LRRFIP1: variants seen among roughly 807,000 people sequenced by gnomAD.
LRRFIP1 encodes the protein LRR binding FLII interacting protein 1, also known as leucine-rich repeat flightless-interacting protein 1.
LRRFIP1 carries 62 observed loss-of-function variants against 104.4 expected under a neutral mutation model. That is an observed-to-expected ratio of 0.59 (90% confidence interval 0.48 to 0.73). LRRFIP1 has a LOEUF of 0.73. LRRFIP1 is among the 30% of genes least tolerant of loss of function. The pLI is 0.00. For missense variants in LRRFIP1, 796 were observed against 824.5 expected (o/e 0.97, Z 0.42); for synonymous variants, 300 against 299.0 (o/e 1.00, Z -0.03).
intron 8 of LRRFIP1, among the ~76,000 whole-genome samples, chr2:237,729,156 A>G (rs2094896872): frequency 6.6e-6 from 1 of 152,176 alleles, no homozygotes; most frequent in Non-Finnish European, 1.5e-5. Context: ...CGAACTCCTG[A>G]CCTCAGGTGA....
chr2:237,664,039 T>G (rs2088654074), intron 1 of LRRFIP1, among the ~76,000 whole-genome samples: 1 of 150,906 alleles, frequency 6.6e-6, no homozygotes, highest in African/African-American at 2.4e-5. Flanking sequence ...AGGAGCAGGG[T>G]GAAGGGTGGG....
At chr2:237,753,548 T>A in intron 15 of LRRFIP1, 69 bp downstream of exon 15, 1 of 1,374,038 alleles carries the variant, frequency 7.3e-7, no homozygotes. Context: ...GTAATTCTGG[T>A]ACTTTGGGAG....
rs533886466 is a variant in LRRFIP1, at chr2:237,739,091, A to G, written c.556-141A>G. 190 of 648,338 alleles carry G rather than the reference A, an allele frequency of 2.9e-4. 1 individual carries two copies. The highest frequency in any genetic ancestry group is 2.5e-3 in the Middle Eastern group (6 of 2,436). The allele number at this position is 648,338 out of a possible 1,614,324, so 40.2% of individuals were successfully genotyped here. On this transcript the variant is annotated intron_variant, in intron 10 of 23. Transcript: ENST00000308482. ...GAATATGCGTTTGCTGTCTAACCCT[A>G]ACTCTCTTTTCCTTGCCGTGCGTGG...
At chr2:237,778,573 T>A (rs72987110) in intron 23 of LRRFIP1, among the ~76,000 whole-genome samples, 31,885 of 152,094 alleles carry the variant, frequency 0.21, 3,681 homozygotes, top group East Asian at 0.41. Context: ...CAGGCTCAGC[T>A]CTTGTTGTTT....
At chr2:237,733,236 G>T (rs75248140) in intron 8 of LRRFIP1, among the ~76,000 whole-genome samples, 4,447 of 152,306 alleles carry the variant, frequency 0.029, 73 homozygotes, top group Middle Eastern at 0.088. Flanking sequence ...CTTTGACAGG[G>T]CTAGACCGCG....
Position 237,627,613 on chromosome 2 carries a change from G to A in LRRFIP1, c.-32G>A. The A allele has an allele frequency of 2.4e-6, 3 of 1,233,598 alleles. No homozygotes were observed. The highest frequency in any genetic ancestry group is 2.2e-5 in the South Asian group (1 of 45,638). 76.4% of individuals were successfully genotyped at this position (1,233,598 alleles called of 1,614,324 possible). A position where few individuals can be genotyped will look rare whatever the true frequency, so the allele number is the denominator to read the frequency against. Reference sequence around the variant, plus strand: ...GGGCGGCGCGAGCGGCTGGAGCAACGGGCCCCGCGGCAGCTGCGGGCGACG... The same window carrying A: ...GGGCGGCGCGAGCGGCTGGAGCAACAGGCCCCGCGGCAGCTGCGGGCGACG... On this transcript the variant is annotated 5_prime_UTR_variant, in exon 1 of 24. Transcript: ENST00000308482.
chr2:237,667,404 G>A (rs1215692029), intron 1 of LRRFIP1, among the ~76,000 whole-genome samples: 1 of 152,194 alleles, frequency 6.6e-6, no homozygotes, highest in Admixed American at 6.5e-5. Context: ...TTTTATGGTT[G>A]CATAGTATTC....
chr2:237,722,499 C>A (rs1389241036), intron 6 of LRRFIP1, among the ~76,000 whole-genome samples: 1 of 152,140 alleles, frequency 6.6e-6, no homozygotes, highest in Non-Finnish European at 1.5e-5. Context: ...AAATAAGTTG[C>A]ATCTTTCTGC....
chr2:237,687,603 CAAAAAAAAAAA>C (rs58549867), intron 1 of LRRFIP1, among the ~76,000 whole-genome samples: 5 of 81,114 alleles, frequency 6.2e-5, no homozygotes, highest in African/African-American at 1.4e-4. Flanking sequence ...GACTCCATCT[CAAAAAAAAAAA>C]AAAAAAAAAA....
intron 1 of LRRFIP1, among the ~76,000 whole-genome samples, chr2:237,679,855 G>A (rs879735350): frequency 7.9e-5 from 12 of 152,142 alleles, no homozygotes; most frequent in African/African-American, 2.4e-4. Flanking sequence ...TGATCCACCC[G>A]CCTCGGCCTC....
In LRRFIP1 at chr2:237,751,373, A is replaced by G. The variant is rs974520207; in HGVS notation, c.867+102A>G. On this transcript the variant is annotated intron_variant, in intron 14 of 23. Transcript: ENST00000308482. ...AAATTCAAAGTGCATGCTTACTGTA[A>G]ATAGGCTCCAGGGTGTAGAAGAACT... 36 of 896,458 alleles carry G rather than the reference A, an allele frequency of 4.0e-5. No homozygotes were observed. The African/African-American group carries it at 4.9e-4, about 12-fold the overall frequency. 55.5% of individuals were successfully genotyped at this position (896,458 alleles called of 1,614,324 possible).
intron 19 of LRRFIP1, chr2:237,764,700 C>T (rs970847006): frequency 1.0e-6 from 1 of 987,028 alleles, no homozygotes; most frequent in Admixed American, 6.1e-5. Context: ...CACCTTAGAA[C>T]AATAATCATT....
rs2093622476 is a variant in LRRFIP1 at position 237,703,064 on chromosome 2, G to A, written c.97-5480G>A. Among the ~76,000 whole-genome samples, 1 of 152,144 alleles carries A rather than the reference G, an allele frequency of 6.6e-6. No homozygotes were observed. The highest frequency in any genetic ancestry group is 1.5e-5 in the Non-Finnish European group (1 of 68,012). On this transcript the variant is annotated intron_variant, in intron 1 of 23. Transcript: ENST00000308482. The surrounding 1 kb of genome is among the most constrained non-coding windows in gnomAD (Gnocchi z 4.3). ...TTTCCCTGTTGGCTCCTGTAGGGTG[G>A]GGACAGACCAGCCCCCATGAACCCT...
In LRRFIP1 at chr2:237,717,705, A is replaced by G; in HGVS notation, c.202-57A>G. The G allele has an allele frequency of 1.5e-6, 2 of 1,319,474 alleles. No homozygotes were observed. Among genetic ancestry groups the G allele is most frequent in the South Asian group, 1.2e-5 (1 of 85,058 alleles). 81.7% of individuals were successfully genotyped at this position (1,319,474 alleles called of 1,614,324 possible). ...GCATGTCAGAACAGTGCCTTAGACA[A>G]CTGCCTTTTTAAGAAATTTCACTTC... On this transcript the variant is annotated intron_variant, in intron 3 of 23. Coordinates refer to ENST00000308482, the MANE Select transcript of LRRFIP1 (RefSeq NM_001137550.2). The surrounding 1 kb of genome is among the most constrained non-coding windows in gnomAD (Gnocchi z 4.2).
At chr2:237,742,387 A>T (rs997653942) in intron 11 of LRRFIP1, among the ~76,000 whole-genome samples, 2 of 152,190 alleles carry the variant, frequency 1.3e-5, no homozygotes, top group Non-Finnish European at 1.5e-5. Context: ...TGGGTGCCTT[A>T]CATCTGATGA....
At chr2:237,692,834 G>A (rs941471258) in intron 1 of LRRFIP1, among the ~76,000 whole-genome samples, 3 of 152,272 alleles carry the variant, frequency 2.0e-5, no homozygotes, top group Non-Finnish European at 4.4e-5. Flanking sequence ...CGCCTGGCCT[G>A]GAGTCACAGG....
At chr2:237,712,645 G>GTGTGTGTGCA (rs757126514) in intron 2 of LRRFIP1, among the ~76,000 whole-genome samples, 1 of 151,042 alleles carries the variant, frequency 6.6e-6, no homozygotes, top group South Asian at 2.1e-4. Flanking sequence ...GCGTGTGCAT[G>GTGTGTGTGCA]TGTGTGTGCA....
At chr2:237,715,708 G>C (rs2094304616) in intron 3 of LRRFIP1, among the ~76,000 whole-genome samples, 2 of 152,240 alleles carry the variant, frequency 1.3e-5, no homozygotes, top group Non-Finnish European at 2.9e-5. Flanking sequence ...CAGCTGCTTT[G>C]CGGAACAGTT....
chr2:237,757,684 ATTTAT>A (rs1039977573), intron 17 of LRRFIP1, 136 bp downstream of exon 17: 2 of 676,542 alleles, frequency 3.0e-6, no homozygotes, highest in African/African-American at 1.8e-5. Flanking sequence ...AGTCGTATTA[ATTTAT>A]TTAATTTTAT....
Sources: gnomAD v4.1 joint callset for allele counts (sites outside exome capture counted in the v4.1 genomes callset) on GRCh38, gnomAD v4.1.1 for gene constraint, Gnocchi (gnomAD v3.1) non-coding constraint, MANE v1.5 for transcripts, NCBI Gene and HGNC (gene_info 2026-07-23, HGNC 2026-07-21) for gene names.